ETFA: variants seen among roughly 807,000 people sequenced by gnomAD.
ETFA encodes electron transfer flavoprotein subunit alpha, mitochondrial.
Under a neutral mutation model 46.2 loss-of-function variants are expected in ETFA, and 22 were observed. That is an observed-to-expected ratio of 0.48 (90% CI 0.34 to 0.68). ETFA has a LOEUF of 0.68. ETFA is among the 30% of genes least tolerant of loss of function. The probability of loss-of-function intolerance (pLI) is 0.01; values close to 1 mark genes in which losing one functional copy is unlikely to be tolerated. For synonymous variants in ETFA, 131 were observed against 139.9 expected, an observed-to-expected ratio of 0.94 and a Z score of 0.45; for missense variants, 345 against 401.1, an observed-to-expected ratio of 0.86 and a Z score of 1.19.
intron 9 of ETFA, among the ~76,000 whole-genome samples, chr15:76,250,457 A>C (rs2039287104): frequency 6.6e-6 from 1 of 152,116 alleles, no homozygotes; most frequent in Non-Finnish European, 1.5e-5. Flanking sequence ...AATCTCAGCT[A>C]TATACTGCTT....
Position 76,231,407 on chromosome 15 carries a change from A to C in ETFA, c.817-9T>G, listed in dbSNP as rs2141463817. 1 of 1,560,904 alleles carries C rather than the reference A, an allele frequency of 6.4e-7. No homozygotes were observed. The highest frequency in any genetic ancestry group is 8.8e-7 in the Non-Finnish European group (1 of 1,132,034). ...ACAGCAATATAAAGTTCCTGAAATA[A>C]AAGAGGTCACATTATTAATATGTAT... On this transcript the variant is annotated splice_polypyrimidine_tract_variant and intron_variant, in intron 9 of 11. Coordinates refer to ENST00000557943, the MANE Select transcript of ETFA (RefSeq NM_000126.4).
chr15:76,287,878 G>T lies in ETFA; in HGVS notation c.419C>A (p.Ser140Ter). 1 of 1,613,738 alleles carries T rather than the reference G, an allele frequency of 6.2e-7. No individual in the cohort carries two copies. The highest frequency in any genetic ancestry group is 1.1e-5 in the South Asian group (1 of 91,032). ...APISDIIAIK[S>*]PDTFVRTIYA... ...AATAGTTCTCACAAATGTGTCAGGT[G>T]ACTTGATTGCAATGATGTCAGAAAT... Residue 140 changes from serine (S) to a stop codon, truncating the protein, a stop_gained, in exon 5 of 12, where the codon TCA becomes TAA. Transcript: ENST00000557943. LOFTEE classifies it high-confidence loss of function.
intron 1 of ETFA, among the ~76,000 whole-genome samples, chr15:76,305,626 G>A (rs568890679): frequency 6.6e-6 from 1 of 152,208 alleles, no homozygotes; most frequent in South Asian, 2.1e-4. Context: ...CTTCTTGTGG[G>A]CAGGATTTAA....
At chr15:76,242,356 A>C (rs2141474494) in intron 9 of ETFA, among the ~76,000 whole-genome samples, 1 of 152,262 alleles carries the variant, frequency 6.6e-6, no homozygotes, top group African/African-American at 2.4e-5. Flanking sequence ...CCATTCACCA[A>C]ACTGCCTCCT....
chr15:76,280,810 G>A (rs1006302137), intron 8 of ETFA, among the ~76,000 whole-genome samples: 4 of 151,510 alleles, frequency 2.6e-5, no homozygotes, highest in African/African-American at 4.8e-5. Flanking sequence ...GTGTTCCTGC[G>A]TTAGACAGGC....
chr15:76,284,680 C>T lies in ETFA; in HGVS notation c.665-855G>A, dbSNP rs151241922. 4.0e-4 allele frequency: 66 copies of T among 164,092 alleles called. No homozygotes were observed. In the East Asian group the frequency reaches 9.4e-3, roughly 23 times the overall value. The allele number at this position is 164,092 out of a possible 1,614,324, so 10.2% of individuals were successfully genotyped here. A position where few individuals can be genotyped will look rare whatever the true frequency, so the allele number is the denominator to read the frequency against. On this transcript the variant is annotated intron_variant, in intron 7 of 11. Transcript: ENST00000557943. ...TAATTTTTTGTATTTTTAATAGAGA[C>T]GGGGTTTCACTATGTTGGCCAGGCT... is the stretch of plus-strand genomic sequence containing the variant.
At chr15:76,301,849 A>G (rs2039883007) in intron 1 of ETFA, among the ~76,000 whole-genome samples, 1 of 152,252 alleles carries the variant, frequency 6.6e-6, no homozygotes, top group African/African-American at 2.4e-5. Context: ...AAAAGTCAAC[A>G]TAAAAAATGA....
rs62030234 is a variant in ETFA, at chr15:76,231,430, T to C, written c.817-32A>G. 0.077 allele frequency: 99,615 copies of C among 1,287,528 alleles called. 4,214 individuals are homozygous for C. The highest frequency in any genetic ancestry group is 0.11 in the Middle Eastern group (494 of 4,524). The allele number at this position is 1,287,528 out of a possible 1,614,324, so 79.8% of individuals were successfully genotyped here. On this transcript the variant is annotated intron_variant, in intron 9 of 11. Transcript: ENST00000557943. ...TAAAAGAGGTCACATTATTAATATG[T>C]ATTTATATTATATAATACTTTCCAA...
intron 1 of ETFA, among the ~76,000 whole-genome samples, chr15:76,306,196 C>T (rs993531227): frequency 1.3e-5 from 2 of 151,788 alleles, no homozygotes; most frequent in African/African-American, 4.8e-5. Context: ...GTAACCTATA[C>T]CTCCACCCCA....
intron 4 of ETFA, among the ~76,000 whole-genome samples, chr15:76,289,187 G>A (rs2039733364): frequency 1.3e-5 from 2 of 151,992 alleles, no homozygotes; most frequent in Non-Finnish European, 1.5e-5. Flanking sequence ...TCCTGCCTTG[G>A]CACCCCAAAG....
intron 9 of ETFA, among the ~76,000 whole-genome samples, chr15:76,273,382 C>T (rs1258412767): frequency 6.6e-6 from 1 of 151,892 alleles, no homozygotes; most frequent in African/African-American, 2.4e-5. Context: ...GATGAAACCC[C>T]ATCTCTACTA....
chr15:76,256,262 G>GAA (rs59670988), intron 9 of ETFA, among the ~76,000 whole-genome samples: 14,204 of 95,418 alleles, frequency 0.15, 1,056 homozygotes, highest in African/African-American at 0.23. Flanking sequence ...CCGTCTCAAG[G>GAA]AAAAAAAAAA....
chr15:76,283,713 C>T (rs764391091), intron 8 of ETFA, 44 bp downstream of exon 8: 3 of 1,230,900 alleles, frequency 2.4e-6, no homozygotes, highest in South Asian at 1.2e-5. Flanking sequence ...AAAAATATTT[C>T]CAACAAAAAG....
chr15:76,301,040 A>G (rs2039875145), intron 1 of ETFA, among the ~76,000 whole-genome samples: 2 of 152,148 alleles, frequency 1.3e-5, no homozygotes, highest in African/African-American at 2.4e-5. Context: ...TCAGTACCTC[A>G]GTTCTCTGAC....
intron 10 of ETFA, among the ~76,000 whole-genome samples, chr15:76,226,918 A>G (rs1359003698): frequency 6.6e-6 from 1 of 152,288 alleles, no homozygotes; most frequent in African/African-American, 2.4e-5. Context: ...CAATAGAATA[A>G]AATAAAACAA....
At chr15:76,232,019 CAT>C (rs1161472284) in intron 9 of ETFA, among the ~76,000 whole-genome samples, 4 of 152,030 alleles carry the variant, frequency 2.6e-5, no homozygotes, top group Non-Finnish European at 5.9e-5. Flanking sequence ...CACACACACA[CAT>C]TCTCTCTGAA....
At chr15:76,257,785 T>C (rs940991827) in intron 9 of ETFA, among the ~76,000 whole-genome samples, 5 of 151,790 alleles carry the variant, frequency 3.3e-5, no homozygotes, top group Admixed American at 2.0e-4. Flanking sequence ...CCAACAATGA[T>C]AGACTGGATT....
At chr15:76,231,301 G>A (rs778020373) in intron 10 of ETFA, 32 bp downstream of exon 10, 5 of 1,415,810 alleles carry the variant, frequency 3.5e-6, no homozygotes, top group Admixed American at 1.7e-5. Flanking sequence ...ATGTGGAAAC[G>A]TTTTCTTTTA....
intron 9 of ETFA, among the ~76,000 whole-genome samples, chr15:76,237,897 T>C (rs1247085702): frequency 6.6e-6 from 1 of 152,148 alleles, no homozygotes; most frequent in Non-Finnish European, 1.5e-5. Context: ...CAGCTGTTAG[T>C]TTCTTCTTTG....
Sources: allele counts gnomAD v4.1 joint callset (sites outside exome capture counted in the v4.1 genomes callset), GRCh38; gene constraint gnomAD v4.1.1; transcripts MANE v1.5; gene names NCBI Gene and HGNC (gene_info 2026-07-23, HGNC 2026-07-21).